The following CLEC2D variants were observed in gnomAD, a reference collection of about 807,000 sequenced individuals.
CLEC2D encodes the protein C-type lectin domain family 2 member D.
CLEC2D carries 16 observed loss-of-function variants against 20.0 expected under a neutral mutation model. That is an observed-to-expected ratio of 0.80 (90% CI 0.54 to 1.22). The LOEUF (loss-of-function observed/expected upper bound fraction) is 1.22. Among genes scored for constraint, CLEC2D ranks in the 50% most tolerant of loss-of-function variants. The pLI is 0.00. For synonymous variants in CLEC2D, 77 were observed against 71.1 expected (o/e 1.08, Z -0.42); for missense variants, 207 against 221.5 (o/e 0.93, Z 0.42).
rs1386329904 is a variant in CLEC2D, at chr12:9,695,657, T to C, written c.*783T>C. On this transcript the variant is annotated 3_prime_UTR_variant, in exon 5 of 5. Transcript: ENST00000290855. ...CAGCCAACGGTTTCTCTTGGGGGCT[T>C]TGAAATAACACCACCAGTGGACTTA... 1.1e-5 allele frequency: 18 copies of C among 1,576,656 alleles called. No homozygotes were observed. Among genetic ancestry groups the C allele is most frequent in the Non-Finnish European group, 1.5e-5 (17 of 1,158,048 alleles).
rs886784165 is a variant in CLEC2D, at chr12:9,697,555, T to C, written c.*2681T>C. The C allele has an allele frequency of 6.6e-6, 1 of 151,628 alleles. No homozygotes were observed. The highest frequency in any genetic ancestry group is 2.4e-5 in the African/African-American group (1 of 41,078). The allele number at this position is 151,628 out of a possible 1,614,324, so 9.4% of individuals were successfully genotyped here. On this transcript the variant is annotated 3_prime_UTR_variant, in exon 5 of 5. Transcript: ENST00000290855. ...CCTCTATATTTCTGTGTGTGTGTCT[T>C]TAGTTCCTCTGGCGCTGCTGGGTTA...
intron 4 of CLEC2D, 55 bp from the exon 5 acceptor site, chr12:9,694,705 C>G: frequency 2.2e-6 from 2 of 909,380 alleles, no homozygotes; most frequent in Non-Finnish European, 3.7e-6. Flanking sequence ...TCTTCATTCT[C>G]TCTGCTGTTG....
chr12:9,684,783 A>G (rs909404900), intron 2 of CLEC2D, among the ~76,000 whole-genome samples: 18 of 152,120 alleles, frequency 1.2e-4, no homozygotes, highest in African/African-American at 4.3e-4. Context: ...TCGGCTGGCC[A>G]GTATTTTATT....
At position 9,699,250 on chromosome 12, in the gene CLEC2D, AG is replaced by A. The variant is rs1866071586; in HGVS notation, c.*4377del. 6.6e-6 allele frequency: 1 copy of A among 152,216 alleles called. No individual in the cohort carries two copies. The highest frequency in any genetic ancestry group is 2.1e-4 in the South Asian group (1 of 4,828). The allele number at this position is 152,216 out of a possible 1,614,324, so 9.4% of individuals were successfully genotyped here. The stretch of plus-strand genomic sequence containing the variant: ...TCTGATTCTCTGCATGCATTTTTAT[AG>A]ATTTGTTTGCCATTTATCCTATTAA... On this transcript the variant is annotated 3_prime_UTR_variant, in exon 5 of 5. Coordinates refer to ENST00000290855, the MANE Select transcript of CLEC2D (RefSeq NM_013269.6).
At chr12:9,677,733 T>C (rs1865553489) in intron 1 of CLEC2D, among the ~76,000 whole-genome samples, 1 of 149,892 alleles carries the variant, frequency 6.7e-6, no homozygotes, top group South Asian at 2.1e-4. Flanking sequence ...TTTTTTATTT[T>C]GTTGTTTTTG....
intron 3 of CLEC2D, among the ~76,000 whole-genome samples, chr12:9,692,541 C>G (rs890523416): frequency 6.6e-6 from 1 of 152,046 alleles, no homozygotes; most frequent in African/African-American, 2.4e-5. Context: ...TTGATAAAAC[C>G]CTGGTGTCAA....
chr12:9,690,312 A>T (rs1488418361), intron 3 of CLEC2D, among the ~76,000 whole-genome samples: 2 of 152,140 alleles, frequency 1.3e-5, no homozygotes, highest in Non-Finnish European at 2.9e-5. Context: ...TCAGATAACC[A>T]ATAATTAAGG....
chr12:9,693,021 T>A, intron 4 of CLEC2D, 90 bp downstream of exon 4: 1 of 1,611,642 alleles, frequency 6.2e-7, no homozygotes, highest in Non-Finnish European at 8.5e-7. Flanking sequence ...CTTTAAAAAA[T>A]TCTCATTTTA....
chr12:9,673,612 A>G (rs980170427), intron 1 of CLEC2D, among the ~76,000 whole-genome samples: 1 of 152,226 alleles, frequency 6.6e-6, no homozygotes, highest in African/African-American at 2.4e-5. Context: ...AATCCCACTC[A>G]TCGGGTTCAT....
chr12:9,688,046 A>T lies in CLEC2D; in HGVS notation c.317A>T (p.Gln106Leu), dbSNP rs1214846598. The T allele has an allele frequency of 6.2e-7, 1 of 1,612,526 alleles. No individual in the cohort carries two copies. The highest frequency in any genetic ancestry group is 1.7e-5 in the Admixed American group (1 of 59,862). Reference sequence around the variant, plus strand: ...TCAAGTCAGAGGTTTTGTGACTCACAAGATGCTGATCTTGCTCAGGTTGAA... The same window carrying T: ...TCAAGTCAGAGGTTTTGTGACTCACTAGATGCTGATCTTGCTCAGGTTGAA... ...WTSSQRFCDS[Q>L]DADLAQVESF... The change falls in exon 3 of 5, where the codon CAA (glutamine) becomes CTA (leucine). Residue 106 changes from glutamine to leucine, a missense_variant. Transcript: ENST00000290855.
chr12:9,683,753 C>T (rs1456312261), intron 2 of CLEC2D, among the ~76,000 whole-genome samples: 1 of 152,090 alleles, frequency 6.6e-6, no homozygotes, highest in Non-Finnish European at 1.5e-5. Context: ...GGTACCAACA[C>T]CATGCTGTTT....
At chr12:9,693,196 A>G (rs1865905035) in intron 4 of CLEC2D, 4 of 1,015,220 alleles carry the variant, frequency 3.9e-6, no homozygotes, top group Non-Finnish European at 6.2e-6. Context: ...AAACCATACA[A>G]TATCTTTAAG....
At position 9,669,742 on chromosome 12, in the gene CLEC2D, A is replaced by G. The variant is rs748200280; in HGVS notation, c.8A>G (p.Asp3Gly). 6.2e-7 allele frequency: 1 copy of G among 1,613,554 alleles called. No individual in the cohort carries two copies. The highest frequency in any genetic ancestry group is 1.1e-5 in the South Asian group (1 of 91,072). ...ATAGAAACTGGAGGCAAAATGCATG[A>G]CAGTAACAATGTGGAGAAAGACATT... MH[D>G]SNNVEKDITP... is the part of the protein sequence containing the mutation. Residue 3 changes from aspartate to glycine, a missense_variant, in exon 1 of 5, where the codon GAC becomes GGC. By Grantham distance (94) the Asp-to-Gly change is moderately conservative. Coordinates refer to ENST00000290855, the MANE Select transcript of CLEC2D (RefSeq NM_013269.6).
chr12:9,686,026 G>T (rs779770556), intron 2 of CLEC2D, among the ~76,000 whole-genome samples: 1 of 152,030 alleles, frequency 6.6e-6, no homozygotes, highest in African/African-American at 2.4e-5. Context: ...TGCAAAAACC[G>T]TGGGAAAAGC....
chr12:9,692,863 C>G lies in CLEC2D; in HGVS notation c.393C>G (p.His131Gln). 1 of 1,613,108 alleles carries G rather than the reference C, an allele frequency of 6.2e-7. No homozygotes were observed. Among genetic ancestry groups the G allele is most frequent in the Non-Finnish European group, 8.5e-7 (1 of 1,179,412 alleles). Residue 131 changes from histidine (H) to glutamine (Q), a missense_variant, in exon 4 of 5, where the codon CAC (histidine) becomes CAG (glutamine). Physicochemically the swap from His to Gln is conservative, Grantham distance 24. Coordinates refer to ENST00000290855, the MANE Select transcript of CLEC2D (RefSeq NM_013269.6). ...FLLRYKGPSD[H>Q]WIGLSREQGQ... ...TGAGATATAAAGGCCCATCTGATCA[C>G]TGGATTGGGCTGAGCAGAGAACAAG...
At chr12:9,687,113 C>G (rs773463082) in intron 2 of CLEC2D, among the ~76,000 whole-genome samples, 41 of 152,094 alleles carry the variant, frequency 2.7e-4, no homozygotes, top group African/African-American at 9.2e-4. Context: ...TTTTATTGTG[C>G]CCTTTATTTC....
chr12:9,684,003 A>G (rs902803953), intron 2 of CLEC2D, among the ~76,000 whole-genome samples: 29 of 152,064 alleles, frequency 1.9e-4, no homozygotes, highest in African/African-American at 6.8e-4. Flanking sequence ...CTTCCTATCT[A>G]TGAGCATGGA....
chr12:9,698,624 G>A lies in CLEC2D; in HGVS notation c.*3750G>A, dbSNP rs988762443. 1.3e-5 allele frequency: 2 copies of A among 152,166 alleles called. No homozygotes were observed. The highest frequency in any genetic ancestry group is 4.8e-5 in the African/African-American group (2 of 41,452). 9.4% of individuals were successfully genotyped at this position (152,166 alleles called of 1,614,324 possible). ...ATAATTTTTGGATTTGACCTCAAAA[G>A]TAGATGCAACCACAGTGAAAATAAA... On this transcript the variant is annotated 3_prime_UTR_variant, in exon 5 of 5. Coordinates refer to ENST00000290855, the MANE Select transcript of CLEC2D (RefSeq NM_013269.6).
At chr12:9,670,874 C>G (rs1036706216) in intron 1 of CLEC2D, among the ~76,000 whole-genome samples, 1 of 152,152 alleles carries the variant, frequency 6.6e-6, no homozygotes, top group East Asian at 1.9e-4. Context: ...CTCATTAGTT[C>G]AGGTCTTAGC....
Sources: allele counts gnomAD v4.1 joint callset (sites outside exome capture counted in the v4.1 genomes callset), GRCh38; gene constraint gnomAD v4.1.1; transcripts MANE v1.5; gene names NCBI Gene and HGNC (gene_info 2026-07-23, HGNC 2026-07-21).